The following DNAAF11 variants were observed in gnomAD, a reference collection of about 807,000 sequenced individuals.
DNAAF11 encodes dynein axonemal assembly factor 11.
A neutral mutation model predicts 60.8 loss-of-function variants in DNAAF11; 45 were observed. That is an observed-to-expected ratio of 0.74 (90% CI 0.58 to 0.95). DNAAF11 has a LOEUF of 0.95. Ranked by LOEUF, DNAAF11 falls within the 40% of genes least tolerant of loss-of-function variation. The pLI is 0.00. For missense variants in DNAAF11, 546 were observed against 546.2 expected (o/e 1.00, Z 0.00); for synonymous variants, 191 against 183.5 (o/e 1.04, Z -0.33).
intron 1 of DNAAF11, among the ~76,000 whole-genome samples, chr8:132,669,916 G>A (rs1269866335): frequency 6.2e-5 from 9 of 145,038 alleles, no homozygotes; most frequent in African/African-American, 2.3e-4. Flanking sequence ...ACTCCAGCCT[G>A]GGTGACAGAG....
At chr8:132,679,703 G>A (rs112973897), upstream of DNAAF11, among the ~76,000 whole-genome samples, 10 of 152,080 alleles carry the variant, frequency 6.6e-5, no homozygotes, top group African/African-American at 1.7e-4. Context: ...TTCTGTTCTC[G>A]TGATAGTAAA....
chr8:132,662,396 C>T (rs1411457708), intron 1 of DNAAF11, among the ~76,000 whole-genome samples: 1 of 152,176 alleles, frequency 6.6e-6, no homozygotes, highest in East Asian at 1.9e-4. Flanking sequence ...CATGAATCAT[C>T]TTTGTAAAGA....
chr8:132,698,105 C>T, the DNAAF11 span, among the ~76,000 whole-genome samples: 5 of 152,212 alleles, frequency 3.3e-5, no homozygotes, highest in Non-Finnish European at 7.3e-5. Flanking sequence ...AAGCAAGTGA[C>T]TCACCCTCTT....
intron 11 of DNAAF11, among the ~76,000 whole-genome samples, chr8:132,576,055 G>T (rs1197040833): frequency 1.3e-5 from 2 of 152,184 alleles, no homozygotes; most frequent in Non-Finnish European, 1.5e-5. Context: ...GCAGTAGGGA[G>T]TGTGTTTATT....
chr8:132,680,610 G>T, the DNAAF11 span, among the ~76,000 whole-genome samples: 61 of 151,918 alleles, frequency 4.0e-4, no homozygotes, highest in Middle Eastern at 3.4e-3. Context: ...TTTATGAAAG[G>T]TAAACCAAGC....
chr8:132,645,861 T>C lies in DNAAF11; in HGVS notation c.257-7754A>G, dbSNP rs534292351. On this transcript the variant is annotated intron_variant, in intron 3 of 11. Transcript: ENST00000620350. ...GTGAAAAGACCAAATCTACATCTGA[T>C]TGGTGTACCTGAAAGTAATGGGGAG... is the stretch of plus-strand genomic sequence containing the variant. Among the ~76,000 whole-genome samples the C allele has an allele frequency of 4.3e-3, 647 of 152,198 alleles. 6 individuals carry two copies. Among genetic ancestry groups the C allele is most frequent in the African/African-American group, 0.015 (622 of 41,520 alleles).
intron 10 of DNAAF11, among the ~76,000 whole-genome samples, chr8:132,596,608 G>A (rs1243423420): frequency 6.6e-6 from 1 of 152,132 alleles, no homozygotes; most frequent in Non-Finnish European, 1.5e-5. Context: ...CAACCCTTCT[G>A]TCTGACCTGC....
At chr8:132,577,061 T>G (rs979246697) in intron 11 of DNAAF11, among the ~76,000 whole-genome samples, 1 of 152,202 alleles carries the variant, frequency 6.6e-6, no homozygotes, top group East Asian at 1.9e-4. Flanking sequence ...ATTAACTGAA[T>G]GCACCGTGGA....
chr8:132,627,303 C>T (rs1248379337), intron 5 of DNAAF11, among the ~76,000 whole-genome samples: 1 of 152,128 alleles, frequency 6.6e-6, no homozygotes, highest in African/African-American at 2.4e-5. Flanking sequence ...ATAAAAATAA[C>T]AGTACTTAAG....
intron 3 of DNAAF11, among the ~76,000 whole-genome samples, chr8:132,648,763 G>T (rs1205073540): frequency 6.6e-6 from 1 of 152,118 alleles, no homozygotes; most frequent in Non-Finnish European, 1.5e-5. Flanking sequence ...ATTCACAATT[G>T]CTTCAAAGAG....
intron 10 of DNAAF11, among the ~76,000 whole-genome samples, chr8:132,592,093 G>A (rs1586506068): frequency 2.6e-5 from 4 of 152,198 alleles, no homozygotes; most frequent in South Asian, 4.2e-4. Context: ...TATAAAATAT[G>A]CATTTATGTA....
intron 4 of DNAAF11, among the ~76,000 whole-genome samples, chr8:132,636,612 C>T (rs1348374622): frequency 2.0e-5 from 3 of 152,310 alleles, no homozygotes; most frequent in East Asian, 3.9e-4. Context: ...AGCACTGACA[C>T]AGGCTCAGCT....
At chr8:132,612,489 T>C (rs1436971837) in intron 8 of DNAAF11, among the ~76,000 whole-genome samples, 1 of 152,162 alleles carries the variant, frequency 6.6e-6, no homozygotes, top group Non-Finnish European at 1.5e-5. Context: ...CTTCTTATCT[T>C]TCAATTATCA....
chr8:132,668,124 T>C (rs910873789), intron 1 of DNAAF11, among the ~76,000 whole-genome samples: 18 of 152,226 alleles, frequency 1.2e-4, no homozygotes, highest in Admixed American at 1.3e-4. Context: ...ATAAAGGGGT[T>C]ACAAACAGGT....
the DNAAF11 span, among the ~76,000 whole-genome samples, chr8:132,687,147 A>C: frequency 2.6e-5 from 4 of 152,230 alleles, no homozygotes; most frequent in African/African-American, 9.6e-5. Context: ...ACTGTTGCAA[A>C]GCAGATATCA....
chr8:132,658,387 A>G (rs1823789239), intron 2 of DNAAF11, among the ~76,000 whole-genome samples: 1 of 152,044 alleles, frequency 6.6e-6, no homozygotes. Flanking sequence ...CAGTGGCCCA[A>G]TCTCAGCTCA....
intron 5 of DNAAF11, among the ~76,000 whole-genome samples, chr8:132,630,692 C>CTT (rs1412897851): frequency 6.6e-6 from 1 of 151,906 alleles, no homozygotes; most frequent in East Asian, 1.9e-4. Context: ...AAGAAAAAAA[C>CTT]TTAACTACTT....
At chr8:132,628,550 C>T (rs971676799) in intron 5 of DNAAF11, among the ~76,000 whole-genome samples, 8 of 152,170 alleles carry the variant, frequency 5.3e-5, no homozygotes, top group African/African-American at 1.9e-4. Context: ...TGGAGGCAGG[C>T]TCTACCTAGT....
chr8:132,649,275 C>T (rs1425399293), intron 3 of DNAAF11, among the ~76,000 whole-genome samples: 2 of 152,166 alleles, frequency 1.3e-5, no homozygotes, highest in African/African-American at 2.4e-5. Flanking sequence ...GGAAAGGATT[C>T]CCTGTTTAAT....
Sources: gnomAD v4.1 joint callset for allele counts (sites outside exome capture counted in the v4.1 genomes callset) on GRCh38, gnomAD v4.1.1 for gene constraint, MANE v1.5 for transcripts, NCBI Gene and HGNC (gene_info 2026-07-23, HGNC 2026-07-21) for gene names.